The following CORIN variants were observed in gnomAD, a reference collection of about 807,000 sequenced individuals.
The protein encoded by CORIN is corin, serine peptidase, also known as atrial natriuretic peptide-converting enzyme.
In CORIN, 117 loss-of-function variants were observed where a neutral mutation model predicts 125.3. The ratio of observed to expected loss-of-function variants is 0.93; its 90% confidence interval spans 0.80 to 1.09. CORIN has a LOEUF of 1.09. Ranked by LOEUF, CORIN falls within the 50% of genes least tolerant of loss-of-function variation. The probability of loss-of-function intolerance (pLI) is 0.00; values close to 1 mark genes in which losing one functional copy is unlikely to be tolerated. For missense variants in CORIN, 1,253 were observed against 1,306.7 expected (o/e 0.96, Z 0.63); for synonymous variants, 450 against 466.4 (o/e 0.96, Z 0.45).
chr4:47,782,289 T>C (rs1298838832), intron 3 of CORIN, among the ~76,000 whole-genome samples: 1 of 146,696 alleles, frequency 6.8e-6, no homozygotes, highest in Non-Finnish European at 1.5e-5. Context: ...GGAGACTGAG[T>C]CAGGAGAATC....
intron 16 of CORIN, among the ~76,000 whole-genome samples, chr4:47,634,601 T>C (rs1039046405): frequency 6.6e-6 from 1 of 152,166 alleles, no homozygotes; most frequent in Non-Finnish European, 1.5e-5. Flanking sequence ...ACCATTGCAC[T>C]CCAGCCTGGG....
chr4:47,639,859 C>T (rs1293048082), intron 16 of CORIN, among the ~76,000 whole-genome samples: 1 of 152,200 alleles, frequency 6.6e-6, no homozygotes, highest in Non-Finnish European at 1.5e-5. Context: ...TACCATCATT[C>T]CCGGCATAGC....
rs1491481152 is a variant in CORIN at position 47,679,368 on chromosome 4, T to TC, written c.1132+772_1132+773insG. ...ATTTATATTATTACTACGTTCTCTC[T>TC]TTTTTTTTTTTTAAAGATGGAGTTT... is the stretch of plus-strand genomic sequence containing the variant. On this transcript the variant is annotated intron_variant, in intron 8 of 21. Coordinates refer to ENST00000273857, the MANE Select transcript of CORIN (RefSeq NM_006587.4). 6.7e-4 allele frequency among the ~76,000 whole-genome samples: 31 copies of TC among 46,006 alleles called. 1 individual carries two copies. Among genetic ancestry groups the TC allele is most frequent in the Admixed American group, 4.1e-3 (15 of 3,656 alleles). The allele number at this position is 46,006 out of a possible 152,430, so 30.2% of individuals were successfully genotyped here.
intron 1 of CORIN, among the ~76,000 whole-genome samples, chr4:47,815,922 C>G (rs1732245983): frequency 6.6e-6 from 1 of 152,128 alleles, no homozygotes; most frequent in South Asian, 2.1e-4. Flanking sequence ...TCATTTAGCG[C>G]TAAGGAGGCT....
chr4:47,699,000 G>A (rs944289573), intron 5 of CORIN, among the ~76,000 whole-genome samples: 4 of 152,184 alleles, frequency 2.6e-5, no homozygotes, highest in African/African-American at 7.2e-5. Context: ...ATCTAGGTTC[G>A]TGTAAGTACA....
chr4:47,672,929 A>T (rs1671940643), intron 10 of CORIN, among the ~76,000 whole-genome samples: 1 of 151,992 alleles, frequency 6.6e-6, no homozygotes, highest in Admixed American at 6.6e-5. Flanking sequence ...GAGACTCTGT[A>T]ACAGTTATAG....
intron 13 of CORIN, among the ~76,000 whole-genome samples, chr4:47,649,891 T>C (rs1339999178): frequency 4.6e-5 from 7 of 152,232 alleles, no homozygotes; most frequent in Non-Finnish European, 8.8e-5. Context: ...ACTCTTCTGC[T>C]AGCTACAGAG....
chr4:47,824,504 TAG>T (rs1732658111), intron 1 of CORIN, among the ~76,000 whole-genome samples: 2 of 152,254 alleles, frequency 1.3e-5, no homozygotes, highest in African/African-American at 4.8e-5. Context: ...TTTTGCTTTG[TAG>T]AGACAGAGTC....
chr4:47,615,618 G>A (rs1722041292), intron 19 of CORIN, among the ~76,000 whole-genome samples: 1 of 152,160 alleles, frequency 6.6e-6, no homozygotes, highest in Non-Finnish European at 1.5e-5. Context: ...TGAAGAGGAA[G>A]GCAGACATTA....
rs61764289 is a variant in CORIN at position 47,786,852 on chromosome 4, G to A, written c.282C>T (p.Ser94=). The part of the protein sequence containing the change: ...PLVTDGEIQG[S]DVILTNTIYN... ...AAATTGTATTTGTAAGAATAACATC[G>A]GACCCTTGGATTTCACCATCAGTGA... is the stretch of plus-strand genomic sequence containing the variant. The change falls in exon 3 of 22, where the codon TCC becomes TCT. Residue 94 remains serine, a synonymous_variant. Transcript: ENST00000273857. 113 of 1,613,498 alleles carry A rather than the reference G, an allele frequency of 7.0e-5. No individual in the cohort carries two copies. The highest frequency in any genetic ancestry group is 8.5e-5 in the Non-Finnish European group (100 of 1,179,662).
chr4:47,722,415 A>C (rs547083616), intron 5 of CORIN, among the ~76,000 whole-genome samples: 82 of 152,168 alleles, frequency 5.4e-4, no homozygotes, highest in African/African-American at 1.9e-3. Context: ...CCTTTTTTTC[A>C]TCTGACAAAA....
chr4:47,808,129 C>T (rs1042891215), intron 1 of CORIN, among the ~76,000 whole-genome samples: 57 of 152,160 alleles, frequency 3.7e-4, no homozygotes, highest in Non-Finnish European at 2.8e-4. Context: ...ACTAGTTCTT[C>T]TCCTGACTTT....
chr4:47,828,666 T>C (rs1025052469), intron 1 of CORIN, among the ~76,000 whole-genome samples: 3 of 152,150 alleles, frequency 2.0e-5, no homozygotes, highest in Non-Finnish European at 4.4e-5. Context: ...TTTTGACATA[T>C]AAAATAATAT....
intron 12 of CORIN, among the ~76,000 whole-genome samples, chr4:47,659,983 T>A (rs891879595): frequency 3.9e-5 from 6 of 152,122 alleles, no homozygotes; most frequent in Admixed American, 2.6e-4. Flanking sequence ...GGTACCAGCA[T>A]AAAAACAGAC....
At chr4:47,599,308 C>G (rs1052634954) in intron 21 of CORIN, among the ~76,000 whole-genome samples, 1 of 152,132 alleles carries the variant, frequency 6.6e-6, no homozygotes, top group Admixed American at 6.6e-5. Context: ...TAAGGAATCA[C>G]CACAGGGCCA....
intron 19 of CORIN, among the ~76,000 whole-genome samples, chr4:47,609,692 C>T (rs1453412587): frequency 2.6e-5 from 4 of 152,056 alleles, no homozygotes; most frequent in African/African-American, 9.7e-5. Flanking sequence ...CTGCACAGAT[C>T]AACCCATCAC....
chr4:47,835,018 C>A (rs1475652017), intron 1 of CORIN, among the ~76,000 whole-genome samples: 1 of 152,204 alleles, frequency 6.6e-6, no homozygotes, highest in African/African-American at 2.4e-5. Context: ...ACTCTTCCCA[C>A]CAAGGCAGGT....
chr4:47,643,024 A>G (rs1164186139), intron 15 of CORIN, 122 bp downstream of exon 15: 1 of 1,551,302 alleles, frequency 6.4e-7, no homozygotes, highest in African/African-American at 1.4e-5. Flanking sequence ...CAGCTTTTAT[A>G]ACAGTAAAAC....
At chr4:47,707,869 A>G (rs1337792407) in intron 5 of CORIN, among the ~76,000 whole-genome samples, 1 of 152,152 alleles carries the variant, frequency 6.6e-6, no homozygotes, top group Admixed American at 6.5e-5. Context: ...GTCCTTTGCC[A>G]TGCTAAGAGC....
Sources: gnomAD v4.1 joint callset for allele counts (sites outside exome capture counted in the v4.1 genomes callset) on GRCh38, gnomAD v4.1.1 for gene constraint, MANE v1.5 for transcripts, NCBI Gene and HGNC (gene_info 2026-07-23, HGNC 2026-07-21) for gene names.